The following PIK3IP1 variants were observed in gnomAD, a reference collection of about 807,000 sequenced individuals.
PIK3IP1 encodes the protein phosphoinositide-3-kinase-interacting protein 1.
A neutral mutation model predicts 30.7 loss-of-function variants in PIK3IP1; 28 were observed. That is an observed-to-expected ratio of 0.91 (90% CI 0.68 to 1.25). PIK3IP1 has a LOEUF of 1.25. Ranked by LOEUF, PIK3IP1 falls within the 50% of genes most tolerant of loss-of-function variation. PIK3IP1 has a pLI of 0.00. For missense variants in PIK3IP1, 333 were observed against 346.2 expected (o/e 0.96, Z 0.30); for synonymous variants, 159 against 140.8 (o/e 1.13, Z -0.91).
chr22:31,291,006 C>T lies in PIK3IP1; in HGVS notation c.266G>A (p.Gly89Asp). The T allele has an allele frequency of 4.4e-6, 7 of 1,598,738 alleles. No individual in the cohort carries two copies. The highest frequency in any genetic ancestry group is 6.0e-6 in the Non-Finnish European group (7 of 1,172,808). ...GPWCYVSGEAGVPEKRPCEDL... is the reference protein window; with the variant it reads ...GPWCYVSGEADVPEKRPCEDL... ...CTCGCAAGGCCGTTTCTCAGGGACG[C>T]CGGCCTCGCCACTGACGTAGCACCA... Residue 89 changes from glycine to aspartate, a missense_variant, in exon 3 of 6, where the codon GGC (glycine) becomes GAC (aspartate). Physicochemically the swap from Gly to Asp is moderately conservative, Grantham distance 94. Transcript: ENST00000215912.
chr22:31,283,593 CTT>C (rs568284460), intron 5 of PIK3IP1, among the ~76,000 whole-genome samples: 13 of 141,968 alleles, frequency 9.2e-5, no homozygotes, highest in Admixed American at 1.4e-4. Context: ...AGGACAGAGA[CTT>C]TTTTTTTTTT....
At chr22:31,283,862 G>T (rs866585589) in intron 5 of PIK3IP1, among the ~76,000 whole-genome samples, 2 of 152,008 alleles carry the variant, frequency 1.3e-5, no homozygotes, top group African/African-American at 4.8e-5. Context: ...CAGCCTCCCA[G>T]AGATGCTTAT....
In PIK3IP1 at chr22:31,289,779, G is replaced by C. The variant is rs1396491888; in HGVS notation, c.308-80C>G. 11 of 1,418,418 alleles carry C rather than the reference G, an allele frequency of 7.8e-6. No individual in the cohort carries two copies. In the South Asian group the frequency reaches 1.3e-4, roughly 17 times the overall value. 87.9% of individuals were successfully genotyped at this position (1,418,418 alleles called of 1,614,324 possible). A position where few individuals can be genotyped will look rare whatever the true frequency, so the allele number is the denominator to read the frequency against. ...CAGCTGAACCTGGCCTGAGTGTTAG[G>C]GTAGATGAAGGTGGGTCACCTAAGA... On this transcript the variant is annotated intron_variant, in intron 3 of 5. Transcript: ENST00000215912.
chr22:31,289,688 G>A lies in PIK3IP1; in HGVS notation c.319C>T (p.Gln107Ter). The A allele has an allele frequency of 6.4e-7, 1 of 1,552,360 alleles. No individual in the cohort carries two copies. The highest frequency in any genetic ancestry group is 8.7e-7 in the Non-Finnish European group (1 of 1,147,210). Residue 107 changes from glutamine to a stop codon, truncating the protein, a stop_gained, in exon 4 of 6, where the codon CAG (glutamine) becomes TAG (stop). Coordinates refer to ENST00000215912, the MANE Select transcript of PIK3IP1 (RefSeq NM_052880.5). LOFTEE classifies it high-confidence loss of function. ...TCTGTCGTGAAGGCTGGCAGGGCCT[G>A]GGAGGTGGTCTCTGGAGATGAGGTG... ...EDLRCPETTSQALPAFTTEIQ... is the reference protein window; with the variant it reads ...EDLRCPETTS
Position 31,283,169 on chromosome 22 carries a change from A to G in PIK3IP1, c.707T>C (p.Val236Ala). The G allele has an allele frequency of 6.2e-7, 1 of 1,614,212 alleles. No individual in the cohort carries two copies. The highest frequency in any genetic ancestry group is 8.5e-7 in the Non-Finnish European group (1 of 1,180,016). Residue 236 changes from valine (V) to alanine (A), a missense_variant, in exon 6 of 6, where the codon GTC becomes GCC. Val to Ala is a moderately conservative substitution (Grantham distance 64). Coordinates refer to ENST00000215912, the MANE Select transcript of PIK3IP1 (RefSeq NM_052880.5). ...TGGAGTCTGGCTGGTGTGGACCACG[A>G]CAGTCTTCTCATCCACAATCTCACA... ...PTCEIVDEKT[V>A]VVHTSQTPVD... is the part of the protein sequence containing the mutation.
At position 31,291,292 on chromosome 22, in the gene PIK3IP1, A is replaced by G. The variant is rs1274937250; in HGVS notation, c.75T>C (p.Cys25=). The G allele has an allele frequency of 1.9e-6, 3 of 1,556,750 alleles. No individual in the cohort carries two copies. The highest frequency in any genetic ancestry group is 2.7e-5 in the African/African-American group (2 of 73,138). Residue 25 remains cysteine (C), a synonymous_variant, in exon 2 of 6, where the codon TGT becomes TGC. Coordinates refer to ENST00000215912, the MANE Select transcript of PIK3IP1 (RefSeq NM_052880.5). ...GGTACAGGTGGCCGTTGTCCCAGAA[A>G]CAGCCTGTGAGGAAAAGAAGCCCCC... ...LLAEAYGSGG[C]FWDNGHLYRE...
rs2040533 is a variant in PIK3IP1, at chr22:31,283,124, G to C, written c.752C>G (p.Thr251Ser). 0.74 allele frequency: 1,185,461 copies of C among 1,611,134 alleles called. 439,809 individuals carry two copies. Among genetic ancestry groups the C allele is most frequent in the African/African-American group, 0.95 (71,436 of 75,032 alleles). The change falls in exon 6 of 6, where the codon ACC becomes AGC. Residue 251 changes from threonine to serine, a missense_variant. This residue lies in a region of PIK3IP1 where 217 missense variants were observed against 227.7 expected (regional missense o/e 0.95). Coordinates refer to ENST00000215912, the MANE Select transcript of PIK3IP1 (RefSeq NM_052880.5). ...SQTPVDPQEG[T>S]TPLMGQAGTP... is the part of the protein sequence containing the mutation. ...CCCGGCCTGGCCCATAAGGGGGGTGGTGCCCTCCTGAGGGTCAACTGGAGT... is the reference window on the plus strand; with the variant it reads ...CCCGGCCTGGCCCATAAGGGGGGTGCTGCCCTCCTGAGGGTCAACTGGAGT...
chr22:31,289,592 C>A lies in PIK3IP1; in HGVS notation c.415G>T (p.Ala139Ser). 6.4e-7 allele frequency: 1 copy of A among 1,559,532 alleles called. No individual in the cohort carries two copies. Among genetic ancestry groups the A allele is most frequent in the Non-Finnish European group, 8.7e-7 (1 of 1,150,452 alleles). Residue 139 changes from alanine (A) to serine (S), a missense_variant, in exon 4 of 6, where the codon GCT becomes TCT. Around this residue, in one of 3 missense-constraint regions of PIK3IP1, gnomAD observed 217 missense variants for 227.7 expected, o/e 0.95. Coordinates refer to ENST00000215912, the MANE Select transcript of PIK3IP1 (RefSeq NM_052880.5). ...QVFAPANALP[A>S]RSEAAAVQPV... ...TGCACAGCTGCCGCCTCACTCCGAGCGGGCAGGGCGTTGGCAGGAGCGAAC... is the reference window on the plus strand; with the variant it reads ...TGCACAGCTGCCGCCTCACTCCGAGAGGGCAGGGCGTTGGCAGGAGCGAAC...
chr22:31,288,904 T>G (rs1737597500), intron 5 of PIK3IP1: 1 of 325,530 alleles, frequency 3.1e-6, no homozygotes, highest in Admixed American at 4.6e-5. Flanking sequence ...ACAGAAAGAA[T>G]TTGGTCTTAA....
chr22:31,282,900 C>T lies in PIK3IP1; in HGVS notation c.*184G>A, dbSNP rs1299206046. The T allele has an allele frequency of 1.7e-6, 1 of 594,400 alleles. No homozygotes were observed. The highest frequency in any genetic ancestry group is 1.9e-5 in the African/African-American group (1 of 53,616). 36.8% of individuals were successfully genotyped at this position (594,400 alleles called of 1,614,324 possible). On this transcript the variant is annotated 3_prime_UTR_variant, in exon 6 of 6. Transcript: ENST00000215912. Reference sequence around the variant, plus strand: ...GGATGGACAAGGAGCACTGTTAGGACCCTACCCAGCCTTACCCTCAGCCCA... The same window carrying T: ...GGATGGACAAGGAGCACTGTTAGGATCCTACCCAGCCTTACCCTCAGCCCA...
chr22:31,283,053 GTC>G lies in PIK3IP1; in HGVS notation c.*29_*30del, dbSNP rs1398658258. ...GGAGGGTGGGCTGTCCTGCACCAGTGTCTGCATGGGCTCCTGCCCACTGGGGG... is the reference window on the plus strand; with the variant it reads ...GGAGGGTGGGCTGTCCTGCACCAGTGTGCATGGGCTCCTGCCCACTGGGGG... On this transcript the variant is annotated 3_prime_UTR_variant, in exon 6 of 6. Transcript: ENST00000215912. 2 of 1,540,382 alleles carry G rather than the reference GTC, an allele frequency of 1.3e-6. No homozygotes were observed. Among genetic ancestry groups the G allele is most frequent in the Non-Finnish European group, 1.8e-6 (2 of 1,133,240 alleles).
In PIK3IP1 at chr22:31,289,402, G is replaced by A. The variant is rs893367581; in HGVS notation, c.509-9C>T. On this transcript the variant is annotated splice_polypyrimidine_tract_variant and intron_variant, in intron 4 of 5. Transcript: ENST00000215912. The stretch of plus-strand genomic sequence containing the variant: ...AATGCCCAGCACGTAGCCTGCCAAG[G>A]ATAGGACACAAGGTCCCATTAGCCA... The A allele has an allele frequency of 5.0e-6, 8 of 1,600,848 alleles. No individual in the cohort carries two copies. The highest frequency in any genetic ancestry group is 1.1e-5 in the South Asian group (1 of 89,430).
chr22:31,291,035 C>A lies in PIK3IP1; in HGVS notation c.237G>T (p.Gly79=). 3.2e-6 allele frequency: 5 copies of A among 1,580,220 alleles called. No homozygotes were observed. The highest frequency in any genetic ancestry group is 4.3e-6 in the Non-Finnish European group (5 of 1,162,014). Residue 79 remains glycine (G), a synonymous_variant, in exon 3 of 6, where the codon GGG becomes GGT. Transcript: ENST00000215912. The part of the protein sequence containing the change: ...YCRNPDEDPR[G]PWCYVSGEAG... ...CCTCGCCACTGACGTAGCACCAGGG[C>A]CCGCGCGGGTCCTCGTCCGGGTTTC...
At chr22:31,288,152 G>A (rs967627979) in intron 5 of PIK3IP1, among the ~76,000 whole-genome samples, 1 of 152,056 alleles carries the variant, frequency 6.6e-6, no homozygotes, top group Non-Finnish European at 1.5e-5. Context: ...TGAGGTAGGA[G>A]GACTGCTTGA....
chr22:31,286,232 T>C (rs948447645), intron 5 of PIK3IP1, among the ~76,000 whole-genome samples: 1 of 152,230 alleles, frequency 6.6e-6, no homozygotes, highest in African/African-American at 2.4e-5. Context: ...AAATGTTGGC[T>C]GCTATTGTGA....
At chr22:31,285,810 C>G (rs950679718) in intron 5 of PIK3IP1, among the ~76,000 whole-genome samples, 2 of 152,210 alleles carry the variant, frequency 1.3e-5, no homozygotes, top group Non-Finnish European at 2.9e-5. Context: ...TTGTACTTAA[C>G]TCTGCTAGGT....
intron 5 of PIK3IP1, among the ~76,000 whole-genome samples, chr22:31,286,822 T>TA (rs2049133925): frequency 1.3e-5 from 2 of 152,140 alleles, no homozygotes; most frequent in African/African-American, 2.4e-5. Context: ...TTATGAATTG[T>TA]AAGGCCAGGG....
intron 3 of PIK3IP1, chr22:31,290,715 A>AGACCTAGCCTC (rs2049168485): frequency 2.1e-6 from 1 of 476,664 alleles, no homozygotes; most frequent in East Asian, 3.8e-5. Flanking sequence ...CGCGGCGGAG[A>AGACCTAGCCTC]GACCTAGCCT....
chr22:31,286,107 C>T (rs368472106), intron 5 of PIK3IP1, among the ~76,000 whole-genome samples: 2 of 150,062 alleles, frequency 1.3e-5, no homozygotes, highest in African/African-American at 4.9e-5. Context: ...CAGGAGGCGG[C>T]GGTTGCAGTG....
Sources: gnomAD v4.1 joint callset for allele counts (sites outside exome capture counted in the v4.1 genomes callset) on GRCh38, gnomAD v4.1.1 for gene constraint, gnomAD v4.1.1 regional missense constraint, MANE v1.5 for transcripts, NCBI Gene and HGNC (gene_info 2026-07-23, HGNC 2026-07-21) for gene names.